Variants in ACCSL observed in about 807,000 individuals in gnomAD.
ACCSL encodes 1-aminocyclopropane-1-carboxylate synthase homolog (inactive) like, also known as probable inactive 1-aminocyclopropane-1-carboxylate synthase-like protein 2.
Under a neutral mutation model 61.7 loss-of-function variants are expected in ACCSL, and 55 were observed. That is an observed-to-expected ratio of 0.89 (90% CI 0.72 to 1.12). The LOEUF is 1.12. Ranked by LOEUF, ACCSL falls within the 50% of genes most tolerant of loss-of-function variation. The probability of loss-of-function intolerance (pLI) is 0.00; values close to 1 mark genes in which losing one functional copy is unlikely to be tolerated. For synonymous variants in ACCSL, 258 were observed against 264.3 expected, an observed-to-expected ratio of 0.98 and a Z score of 0.23; for missense variants, 632 against 698.0, an observed-to-expected ratio of 0.91 and a Z score of 1.07.
At chr11:44,027,907 G>C in the ACCSL span, among the ~76,000 whole-genome samples, 1 of 152,314 alleles carries the variant, frequency 6.6e-6, no homozygotes, top group South Asian at 2.1e-4. Context: ...GCTCATGCCT[G>C]TAATCCCAGC....
chr11:43,959,910 G>T, the ACCSL span, among the ~76,000 whole-genome samples: 1 of 152,072 alleles, frequency 6.6e-6, no homozygotes, highest in Non-Finnish European at 1.5e-5. Flanking sequence ...AATAATTCAC[G>T]CCAGACTCAA....
At chr11:43,945,427 G>C in the ACCSL span, 8 of 152,106 alleles carry the variant, frequency 5.3e-5, no homozygotes, top group African/African-American at 1.9e-4. Flanking sequence ...TTACCTCTTC[G>C]GCAGCAGCTC....
the ACCSL span, among the ~76,000 whole-genome samples, chr11:43,954,448 T>C: frequency 6.6e-6 from 1 of 152,158 alleles, no homozygotes; most frequent in Non-Finnish European, 1.5e-5. Flanking sequence ...CTGATTTATA[T>C]AAGGCACAAA....
the ACCSL span, among the ~76,000 whole-genome samples, chr11:44,011,646 G>T: frequency 4.6e-5 from 7 of 152,262 alleles, no homozygotes; most frequent in South Asian, 4.2e-4. Context: ...TTGCACATAT[G>T]CAGTCAGTTT....
At position 44,056,251 on chromosome 11, in the gene ACCSL, G is replaced by C. The variant is rs372402296; in HGVS notation, c.1252G>C (p.Val418Leu). Residue 418 changes from valine (V) to leucine (L), a missense_variant, in exon 11 of 14, where the codon GTG becomes CTG. Transcript: ENST00000378832. The part of the protein sequence containing the change: ...YTHNKEVASA[V>L]SAFGYLHSIS... ...CCACAACAAGGAGGTGGCCTCTGCT[G>C]TGAGTGCCTTTGGCTACCTCCACAG... The C allele has an allele frequency of 6.2e-7, 1 of 1,614,110 alleles. No homozygotes were observed. The highest frequency in any genetic ancestry group is 2.2e-5 in the East Asian group (1 of 44,888).
the ACCSL span, among the ~76,000 whole-genome samples, chr11:44,036,388 G>A: frequency 1.1e-4 from 16 of 152,320 alleles, no homozygotes; most frequent in African/African-American, 3.8e-4. Context: ...AACCTCGCTG[G>A]GCCTCAGTTT....
chr11:44,037,601 C>G, the ACCSL span, among the ~76,000 whole-genome samples: 6 of 152,144 alleles, frequency 3.9e-5, no homozygotes, highest in African/African-American at 1.4e-4. Flanking sequence ...TCAGGGTGCC[C>G]GCAGCAGAGA....
the ACCSL span, among the ~76,000 whole-genome samples, chr11:44,003,327 A>T: frequency 6.6e-6 from 1 of 152,166 alleles, no homozygotes; most frequent in Admixed American, 6.6e-5. Context: ...TACTATCTTA[A>T]CTATTTTTAA....
the ACCSL span, among the ~76,000 whole-genome samples, chr11:44,011,113 T>G: frequency 1.3e-5 from 2 of 152,180 alleles, no homozygotes; most frequent in African/African-American, 4.8e-5. Context: ...CTCGCCCCAC[T>G]GGGAGTTTAG....
the ACCSL span, among the ~76,000 whole-genome samples, chr11:44,000,064 G>C: frequency 6.6e-6 from 1 of 152,110 alleles, no homozygotes; most frequent in African/African-American, 2.4e-5. Flanking sequence ...CGGATCACTT[G>C]AGCCCAAGAG....
chr11:43,964,311 C>T, the ACCSL span, among the ~76,000 whole-genome samples: 2 of 151,890 alleles, frequency 1.3e-5, no homozygotes, highest in Admixed American at 1.3e-4. Context: ...GTGGTGGGCA[C>T]CTGTAGTCCC....
the ACCSL span, among the ~76,000 whole-genome samples, chr11:43,949,297 T>G: frequency 6.6e-6 from 1 of 152,098 alleles, no homozygotes. Flanking sequence ...TGCAGGGAGA[T>G]AGCAAATTTT....
At chr11:43,981,774 C>T in the ACCSL span, among the ~76,000 whole-genome samples, 7 of 152,188 alleles carry the variant, frequency 4.6e-5, no homozygotes, top group Non-Finnish European at 8.8e-5. Context: ...AGGGTGTGGC[C>T]GTGGTGCCCA....
the ACCSL span, among the ~76,000 whole-genome samples, chr11:44,015,554 A>T: frequency 6.6e-6 from 1 of 152,194 alleles, no homozygotes. Context: ...ACAAGAAGCA[A>T]CTTTACTCCT....
At chr11:44,046,902 A>G (rs767112737), upstream of ACCSL, among the ~76,000 whole-genome samples, 43 of 152,202 alleles carry the variant, frequency 2.8e-4, no homozygotes, top group Admixed American at 1.1e-3. Flanking sequence ...GGTCTCGTTC[A>G]GTATTTAACT....
chr11:44,022,275 G>A, the ACCSL span, among the ~76,000 whole-genome samples: 3 of 152,074 alleles, frequency 2.0e-5, no homozygotes, highest in Non-Finnish European at 2.9e-5. Context: ...ATTTGTTTGT[G>A]TCATCTATGA....
chr11:43,982,403 T>C, the ACCSL span, among the ~76,000 whole-genome samples: 1 of 151,874 alleles, frequency 6.6e-6, no homozygotes, highest in African/African-American at 2.4e-5. Flanking sequence ...AATTTTTGTA[T>C]TTTTAGTAGA....
At chr11:43,957,856 C>T in the ACCSL span, among the ~76,000 whole-genome samples, 4 of 152,164 alleles carry the variant, frequency 2.6e-5, no homozygotes, top group East Asian at 3.9e-4. Context: ...AACAACTTCC[C>T]GTCATGGCCG....
intron 3 of ACCSL, among the ~76,000 whole-genome samples, chr11:44,051,008 A>AT (rs1952634445): frequency 6.6e-6 from 1 of 151,750 alleles, no homozygotes; most frequent in Non-Finnish European, 1.5e-5. Flanking sequence ...CGCCCAGCTA[A>AT]TTTTTTGTAT....
Sources: gnomAD v4.1 joint callset for allele counts (sites outside exome capture counted in the v4.1 genomes callset) on GRCh38, gnomAD v4.1.1 for gene constraint, MANE v1.5 for transcripts, NCBI Gene and HGNC (gene_info 2026-07-23, HGNC 2026-07-21) for gene names.